The following EXOC6B variants were observed in gnomAD, a reference collection of about 807,000 sequenced individuals.
EXOC6B encodes the protein SEC15 homolog B.
Under a neutral mutation model 113.5 loss-of-function variants are expected in EXOC6B, and 54 were observed. The ratio of observed to expected loss-of-function variants is 0.48; its 90% confidence interval spans 0.38 to 0.60. EXOC6B has a LOEUF of 0.60. EXOC6B is among the 20% of genes least tolerant of loss of function. The pLI is 0.00. For missense variants in EXOC6B, 797 were observed against 977.5 expected, an observed-to-expected ratio of 0.82 and a Z score of 2.46; for synonymous variants, 357 against 339.0, an observed-to-expected ratio of 1.05 and a Z score of -0.58.
Position 72,375,848 on chromosome 2 carries a change from C to T in EXOC6B, c.2122+3881G>A, listed in dbSNP as rs75734045. Reference sequence around the variant, plus strand: ...TAGAAATTAGCTAGGCATCTGTTAACATAGGCTCAAGCCTTCTTCATGTGG... The same window carrying T: ...TAGAAATTAGCTAGGCATCTGTTAATATAGGCTCAAGCCTTCTTCATGTGG... On this transcript the variant is annotated intron_variant, in intron 19 of 21. Coordinates refer to ENST00000272427, the MANE Select transcript of EXOC6B (RefSeq NM_015189.3). 4.1e-3 allele frequency among the ~76,000 whole-genome samples: 621 copies of T among 152,308 alleles called. 4 individuals carry two copies. The highest frequency in any genetic ancestry group is 0.014 in the African/African-American group (592 of 41,568).
chr2:72,680,910 T>C (rs1357175860), intron 6 of EXOC6B, among the ~76,000 whole-genome samples: 7 of 152,170 alleles, frequency 4.6e-5, no homozygotes, highest in African/African-American at 1.7e-4. Flanking sequence ...GGAAAAGTTA[T>C]GGTTCTTTAG....
chr2:72,250,221 C>T (rs563396489), intron 20 of EXOC6B, among the ~76,000 whole-genome samples: 1 of 152,258 alleles, frequency 6.6e-6, no homozygotes, highest in East Asian at 1.9e-4. Context: ...TGTATAAGCA[C>T]GGTACCGATC....
intron 6 of EXOC6B, among the ~76,000 whole-genome samples, chr2:72,659,734 A>G (rs1674868078): frequency 6.6e-6 from 1 of 152,138 alleles, no homozygotes; most frequent in Non-Finnish European, 1.5e-5. Context: ...TGCAAAGACA[A>G]TATTTTATTC....
intron 19 of EXOC6B, among the ~76,000 whole-genome samples, chr2:72,355,468 A>G (rs1250615574): frequency 2.6e-5 from 4 of 152,218 alleles, no homozygotes; most frequent in African/African-American, 9.6e-5. Flanking sequence ...CTCTGATTCC[A>G]TTAACCAGTC....
chr2:72,651,752 C>T (rs1674182053), intron 6 of EXOC6B, among the ~76,000 whole-genome samples: 1 of 152,078 alleles, frequency 6.6e-6, no homozygotes, highest in South Asian at 2.1e-4. Context: ...CCTGCCACCA[C>T]GCCTGGCTAA....
chr2:72,715,118 T>TCCCGTC (rs1679523152), intron 6 of EXOC6B, among the ~76,000 whole-genome samples: 1 of 151,410 alleles, frequency 6.6e-6, no homozygotes, highest in East Asian at 1.9e-4. Flanking sequence ...TACAGAAAAC[T>TCCCGTC]AGGGAGGCTG....
intron 6 of EXOC6B, among the ~76,000 whole-genome samples, chr2:72,646,240 C>T (rs1673701495): frequency 6.6e-6 from 1 of 151,742 alleles, no homozygotes; most frequent in Non-Finnish European, 1.5e-5. Flanking sequence ...AAGACTAAAC[C>T]AGGAAGAAGT....
intron 6 of EXOC6B, among the ~76,000 whole-genome samples, chr2:72,664,371 C>T (rs1675240424): frequency 2.6e-5 from 4 of 152,132 alleles, no homozygotes; most frequent in African/African-American, 9.7e-5. Flanking sequence ...AGAGCCAGCA[C>T]TAGTTCCCAG....
intron 20 of EXOC6B, among the ~76,000 whole-genome samples, chr2:72,289,915 T>C (rs1685680475): frequency 6.6e-6 from 1 of 152,198 alleles, no homozygotes; most frequent in Non-Finnish European, 1.5e-5. Context: ...TTCTCTCTAA[T>C]GTGGATGGGC....
intron 1 of EXOC6B, among the ~76,000 whole-genome samples, chr2:72,817,005 G>A (rs1324602021): frequency 6.6e-6 from 1 of 152,108 alleles, no homozygotes; most frequent in Non-Finnish European, 1.5e-5. Flanking sequence ...ATAACTCAAT[G>A]AGGACATTTT....
intron 18 of EXOC6B, among the ~76,000 whole-genome samples, chr2:72,384,840 C>T (rs184176192): frequency 1.4e-4 from 21 of 151,866 alleles, no homozygotes; most frequent in Non-Finnish European, 2.9e-5. Flanking sequence ...AAGTATAAAA[C>T]AATACTAAAA....
chr2:72,674,333 C>T (rs1295292411), intron 6 of EXOC6B, among the ~76,000 whole-genome samples: 1 of 152,182 alleles, frequency 6.6e-6, no homozygotes, highest in Non-Finnish European at 1.5e-5. Flanking sequence ...GAAGGTCCTA[C>T]CTTCTACAGA....
intron 20 of EXOC6B, among the ~76,000 whole-genome samples, chr2:72,275,868 G>C (rs974166634): frequency 6.6e-6 from 1 of 152,080 alleles, no homozygotes; most frequent in Middle Eastern, 3.2e-3. Context: ...TTTTTTTGGG[G>C]GGTGGTGGTC....
chr2:72,701,834 G>A (rs2104639944), intron 6 of EXOC6B, among the ~76,000 whole-genome samples: 1 of 152,044 alleles, frequency 6.6e-6, no homozygotes, highest in South Asian at 2.1e-4. Flanking sequence ...TAAAAACAAG[G>A]GCTTTCGAAT....
intron 6 of EXOC6B, among the ~76,000 whole-genome samples, chr2:72,613,984 T>A (rs1671236132): frequency 6.6e-6 from 1 of 152,172 alleles, no homozygotes; most frequent in Admixed American, 6.5e-5. Flanking sequence ...CACAGCCATG[T>A]TCATTCATGT....
chr2:72,763,428 CTT>C (rs869206848), intron 1 of EXOC6B, among the ~76,000 whole-genome samples: 1 of 141,204 alleles, frequency 7.1e-6, no homozygotes, highest in Admixed American at 7.1e-5. Context: ...CGTGTTTTTT[CTT>C]TTTTTTTTTT....
intron 2 of EXOC6B, among the ~76,000 whole-genome samples, chr2:72,735,474 C>T (rs17008369): frequency 0.21 from 32,533 of 152,014 alleles, 5,798 homozygotes; most frequent in African/African-American, 0.49. Flanking sequence ...AAACCATGGA[C>T]GTAAAACATA....
chr2:72,271,804 G>A (rs1000348063), intron 20 of EXOC6B, among the ~76,000 whole-genome samples: 2 of 151,856 alleles, frequency 1.3e-5, no homozygotes, highest in African/African-American at 2.4e-5. Flanking sequence ...CTTGGTCCCC[G>A]AAAGCTGCTC....
intron 8 of EXOC6B, among the ~76,000 whole-genome samples, chr2:72,554,027 C>G (rs1292208709): frequency 6.6e-6 from 1 of 152,060 alleles, no homozygotes; most frequent in Non-Finnish European, 1.5e-5. Context: ...AAATCAGCAG[C>G]TTATAAGTGG....
Sources: gnomAD v4.1 joint callset for allele counts (sites outside exome capture counted in the v4.1 genomes callset) on GRCh38, gnomAD v4.1.1 for gene constraint, MANE v1.5 for transcripts, NCBI Gene and HGNC (gene_info 2026-07-23, HGNC 2026-07-21) for gene names.